The following SH3D19 variants were observed in gnomAD, a reference collection of about 807,000 sequenced individuals.
SH3D19 encodes SH3 domain-containing protein 19.
A neutral mutation model predicts 112.1 loss-of-function variants in SH3D19; 58 were observed. The observed-to-expected ratio is 0.52, with a 90% CI of 0.42 to 0.64. The LOEUF is 0.64. Among genes scored for constraint, SH3D19 ranks in the 30% least tolerant of loss-of-function variants. The pLI, the probability that SH3D19 is intolerant of heterozygous loss-of-function variation, is 0.00. For synonymous variants in SH3D19, 391 were observed against 448.5 expected (o/e 0.87, Z 1.62); for missense variants, 1,090 against 1,263.4 (o/e 0.86, Z 2.08).
At chr4:151,197,274 G>A (rs1163427922) in intron 2 of SH3D19, among the ~76,000 whole-genome samples, 1 of 152,128 alleles carries the variant, frequency 6.6e-6, no homozygotes, top group East Asian at 1.9e-4. Flanking sequence ...GCATTGTGCT[G>A]GGCACCTTAG....
intron 2 of SH3D19, among the ~76,000 whole-genome samples, chr4:151,190,781 A>G (rs1762488261): frequency 6.6e-6 from 1 of 152,200 alleles, no homozygotes; most frequent in Non-Finnish European, 1.5e-5. Flanking sequence ...CAGAAGGGAA[A>G]TGTGGGGTCG....
intron 1 of SH3D19, among the ~76,000 whole-genome samples, chr4:151,269,884 G>A (rs1393761688): frequency 6.6e-6 from 1 of 151,448 alleles, no homozygotes; most frequent in East Asian, 1.9e-4. Flanking sequence ...ACACACATTA[G>A]CCTAGGCCTA....
intron 14 of SH3D19, 77 bp from the exon 15 acceptor site, chr4:151,135,209 G>T: frequency 8.5e-7 from 1 of 1,173,908 alleles, no homozygotes; most frequent in South Asian, 1.4e-5. Flanking sequence ...TAAGTAATTA[G>T]AAAGTACATG....
chr4:151,222,289 C>T (rs2149938132), intron 2 of SH3D19, among the ~76,000 whole-genome samples: 1 of 152,316 alleles, frequency 6.6e-6, no homozygotes, highest in African/African-American at 2.4e-5. Context: ...TACAAAAAAG[C>T]TGAAGAAACA....
At chr4:151,310,268 G>GGA (rs1729320835) in intron 1 of SH3D19, among the ~76,000 whole-genome samples, 1 of 151,878 alleles carries the variant, frequency 6.6e-6, no homozygotes, top group Admixed American at 6.6e-5. Flanking sequence ...CAGCTACTCG[G>GGA]GAGGCTGAAG....
At chr4:151,180,815 G>C (rs1424153289) in intron 3 of SH3D19, among the ~76,000 whole-genome samples, 1 of 151,188 alleles carries the variant, frequency 6.6e-6, no homozygotes, top group Non-Finnish European at 1.5e-5. Context: ...CCAGGCTGGA[G>C]TGCAGTGGCG....
intron 11 of SH3D19, among the ~76,000 whole-genome samples, chr4:151,144,650 C>T: frequency 6.6e-6 from 1 of 152,204 alleles, no homozygotes; most frequent in East Asian, 1.9e-4. Flanking sequence ...AGGGTTCTTA[C>T]AATGGTGGCC....
intron 12 of SH3D19, 140 bp from the exon 13 acceptor site, chr4:151,139,987 G>A: frequency 3.3e-6 from 2 of 601,308 alleles, no homozygotes; most frequent in Non-Finnish European, 2.9e-6. Flanking sequence ...AAACCACACA[G>A]TTGAGCCAAA....
intron 2 of SH3D19, among the ~76,000 whole-genome samples, chr4:151,197,305 C>T (rs1763623196): frequency 1.3e-5 from 2 of 152,242 alleles, no homozygotes; most frequent in East Asian, 1.9e-4. Flanking sequence ...GTCATTATAC[C>T]GAAAAGATAC....
chr4:151,237,518 G>C (rs1770213669), intron 1 of SH3D19, among the ~76,000 whole-genome samples: 1 of 118,108 alleles, frequency 8.5e-6, no homozygotes, highest in East Asian at 2.8e-4. Context: ...AGGAACTCTA[G>C]GTCAGACAGG....
At chr4:151,298,058 G>A (rs1395004477) in intron 1 of SH3D19, among the ~76,000 whole-genome samples, 2 of 151,942 alleles carry the variant, frequency 1.3e-5, no homozygotes, top group African/African-American at 2.4e-5. Context: ...CTAGGAGCTA[G>A]AAAAGGCAAA....
At chr4:151,169,312 A>G (rs372890133) in intron 7 of SH3D19, among the ~76,000 whole-genome samples, 1 of 152,082 alleles carries the variant, frequency 6.6e-6, no homozygotes. Context: ...TTCTTTCTCC[A>G]TGTGGCGAGG....
chr4:151,286,648 G>T (rs1199485456), intron 1 of SH3D19, among the ~76,000 whole-genome samples: 1 of 148,320 alleles, frequency 6.7e-6, no homozygotes, highest in East Asian at 2.0e-4. Flanking sequence ...GGTCCAGATA[G>T]AATTCATTGA....
At chr4:151,131,817 T>C (rs1371781844) in intron 17 of SH3D19, among the ~76,000 whole-genome samples, 1 of 151,322 alleles carries the variant, frequency 6.6e-6, no homozygotes, top group African/African-American at 2.4e-5. Context: ...TCATGTCTCT[T>C]TTATCATTTT....
intron 1 of SH3D19, among the ~76,000 whole-genome samples, chr4:151,249,585 A>G (rs953979710): frequency 1.3e-5 from 2 of 152,200 alleles, no homozygotes. Context: ...CAAACTCAGA[A>G]TTAAACTCAT....
At chr4:151,180,160 G>A (rs1220112583) in intron 3 of SH3D19, among the ~76,000 whole-genome samples, 1 of 152,204 alleles carries the variant, frequency 6.6e-6, no homozygotes, top group Non-Finnish European at 1.5e-5. Flanking sequence ...TTACAGGCAT[G>A]AGCCACTATG....
In SH3D19 at chr4:151,226,059, T is replaced by C; in HGVS notation, c.140A>G (p.His47Arg). ...ADRNERNKPEHRSSSQGPLSS... is the reference protein window; with the variant it reads ...ADRNERNKPERRSSSQGPLSS... ...TGTAAATTCATACCTTGAAGAACGA[T>C]GTTCTGGTTTATTTCGTTCGTTGCG... Residue 47 changes from histidine to arginine, a missense_variant, in exon 2 of 20, where the codon CAT (histidine) becomes CGT (arginine). Physicochemically the swap from His to Arg is conservative, Grantham distance 29 (BLOSUM62 0). Transcript: ENST00000604030. 3 of 1,231,430 alleles carry C rather than the reference T, an allele frequency of 2.4e-6. No homozygotes were observed. The highest frequency in any genetic ancestry group is 3.0e-6 in the Non-Finnish European group (3 of 987,356). 76.3% of individuals were successfully genotyped at this position (1,231,430 alleles called of 1,614,324 possible). A position where few individuals can be genotyped will look rare whatever the true frequency, so the allele number is the denominator to read the frequency against.
intron 17 of SH3D19, among the ~76,000 whole-genome samples, chr4:151,131,862 C>G (rs1387588962): frequency 2.0e-5 from 3 of 151,586 alleles, no homozygotes; most frequent in Non-Finnish European, 4.4e-5. Flanking sequence ...TCTCGCACTG[C>G]CACCCAGGCT....
At chr4:151,184,480 G>A (rs1761431693) in intron 3 of SH3D19, among the ~76,000 whole-genome samples, 1 of 152,134 alleles carries the variant, frequency 6.6e-6, no homozygotes. Flanking sequence ...TATTTCTTTA[G>A]TGTTTACAAA....
Sources: allele counts gnomAD v4.1 joint callset (sites outside exome capture counted in the v4.1 genomes callset), GRCh38; gene constraint gnomAD v4.1.1; transcripts MANE v1.5; gene names NCBI Gene and HGNC (gene_info 2026-07-23, HGNC 2026-07-21).